The following ZMYM2 variants were observed in gnomAD, a reference collection of about 807,000 sequenced individuals.
ZMYM2 encodes the protein zinc finger MYM-type protein 2.
Under a neutral mutation model 162.8 loss-of-function variants are expected in ZMYM2, and 56 were observed. That is an observed-to-expected ratio of 0.34 (90% CI 0.28 to 0.43). The LOEUF (loss-of-function observed/expected upper bound fraction) is 0.43. Ranked by LOEUF, ZMYM2 falls within the 20% of genes least tolerant of loss-of-function variation. The probability of loss-of-function intolerance (pLI) is 1.00; values close to 1 mark genes in which losing one functional copy is unlikely to be tolerated. For missense variants in ZMYM2, 1,275 were observed against 1,621.8 expected (o/e 0.79, Z 3.67); for synonymous variants, 510 against 541.6 (o/e 0.94, Z 0.81).
rs1464918662 is a variant in ZMYM2 at position 20,019,486 on chromosome 13, C to T, written c.1513-61C>T. 3 of 1,378,988 alleles carry T rather than the reference C, an allele frequency of 2.2e-6. No individual in the cohort carries two copies. The African/African-American group carries it at 4.4e-5, about 20-fold the overall frequency. The allele number at this position is 1,378,988 out of a possible 1,614,324, so 85.4% of individuals were successfully genotyped here. On this transcript the variant is annotated intron_variant, in intron 6 of 24. Coordinates refer to ENST00000610343, the MANE Select transcript of ZMYM2 (RefSeq NM_197968.4). The stretch of plus-strand genomic sequence containing the variant: ...CAACTTTTACATAATGCTTATTTAC[C>T]TTTCAATGTAGCAGCTATTCTTTAT...
At chr13:19,871,880 T>C in the ZMYM2 span, among the ~76,000 whole-genome samples, 5 of 152,166 alleles carry the variant, frequency 3.3e-5, no homozygotes, top group Admixed American at 6.6e-5. Flanking sequence ...GGAAAGTTAA[T>C]AATAAAAAAT....
the ZMYM2 span, among the ~76,000 whole-genome samples, chr13:19,942,328 T>C: frequency 6.6e-6 from 1 of 151,220 alleles, no homozygotes; most frequent in Non-Finnish European, 1.5e-5. Context: ...TAGGATACAA[T>C]TCTATGGGGG....
chr13:20,032,595 C>CTTTTTTTTTTTTT (rs1566350627), intron 10 of ZMYM2, among the ~76,000 whole-genome samples: 2 of 96,380 alleles, frequency 2.1e-5, no homozygotes, highest in Non-Finnish European at 2.2e-5. Flanking sequence ...GATTTTTTTT[C>CTTTTTTTTTTTTT]TGTCTTTTTT....
At chr13:19,890,400 T>C in the ZMYM2 span, among the ~76,000 whole-genome samples, 1 of 148,256 alleles carries the variant, frequency 6.7e-6, no homozygotes, top group Non-Finnish European at 1.5e-5. Flanking sequence ...ACTCCTGGGC[T>C]CAAGCAATCC....
At chr13:19,976,434 A>G (rs1001899197) in intron 2 of ZMYM2, among the ~76,000 whole-genome samples, 1 of 152,044 alleles carries the variant, frequency 6.6e-6, no homozygotes, top group African/African-American at 2.4e-5. Flanking sequence ...AACAACATAA[A>G]ATTTACTATT....
intron 2 of ZMYM2, among the ~76,000 whole-genome samples, chr13:19,974,632 CG>C (rs1414474967): frequency 6.6e-6 from 1 of 151,886 alleles, no homozygotes; most frequent in Non-Finnish European, 1.5e-5. Context: ...CCACCACACC[CG>C]GCTGATTTTT....
intron 3 of ZMYM2, among the ~76,000 whole-genome samples, chr13:19,997,192 CTA>C (rs1566253802): frequency 1.3e-5 from 2 of 152,148 alleles, no homozygotes; most frequent in Non-Finnish European, 2.9e-5. Flanking sequence ...ATACCATTAA[CTA>C]TTTATATAAG....
chr13:20,037,895 G>C (rs1015309008), intron 12 of ZMYM2, among the ~76,000 whole-genome samples: 67 of 152,250 alleles, frequency 4.4e-4, no homozygotes, highest in African/African-American at 1.4e-3. Context: ...TTATCACCCA[G>C]ATATTAAGCC....
At chr13:19,869,176 A>G in the ZMYM2 span, among the ~76,000 whole-genome samples, 1 of 152,240 alleles carries the variant, frequency 6.6e-6, no homozygotes, top group African/African-American at 2.4e-5. Flanking sequence ...TTTTTTCCTT[A>G]GAGAAATTCC....
At chr13:20,016,833 A>T (rs552216101) in intron 6 of ZMYM2, among the ~76,000 whole-genome samples, 2 of 152,222 alleles carry the variant, frequency 1.3e-5, no homozygotes, top group African/African-American at 4.8e-5. Flanking sequence ...TTTATCCTAC[A>T]TGTAATTTGT....
chr13:20,074,433 G>A (rs1177379758), intron 21 of ZMYM2, among the ~76,000 whole-genome samples: 1 of 151,878 alleles, frequency 6.6e-6, no homozygotes. Flanking sequence ...ATGGGGTTTC[G>A]CCATGTTGAC....
At chr13:19,929,786 T>A in the ZMYM2 span, among the ~76,000 whole-genome samples, 2 of 152,220 alleles carry the variant, frequency 1.3e-5, no homozygotes, top group African/African-American at 4.8e-5. Context: ...TTCTCTCCTA[T>A]CCTCTGGAAG....
At chr13:20,020,641 G>GT (rs1228881843) in intron 7 of ZMYM2, among the ~76,000 whole-genome samples, 4 of 151,620 alleles carry the variant, frequency 2.6e-5, no homozygotes, top group Non-Finnish European at 4.4e-5. Flanking sequence ...TTTGTTTTTT[G>GT]TTTTTTGGTA....
intron 2 of ZMYM2, among the ~76,000 whole-genome samples, chr13:19,972,804 C>T (rs138383474): frequency 1.8e-4 from 28 of 152,122 alleles, no homozygotes; most frequent in African/African-American, 6.3e-4. Flanking sequence ...ACTTCTTCCA[C>T]ATTCTTCCCA....
chr13:19,963,340 CT>C (rs1442805565), intron 2 of ZMYM2, among the ~76,000 whole-genome samples: 1 of 152,142 alleles, frequency 6.6e-6, no homozygotes, highest in African/African-American at 2.4e-5. Context: ...GTGAACAGGA[CT>C]TTTGAAGTAT....
the ZMYM2 span, among the ~76,000 whole-genome samples, chr13:19,895,790 A>G: frequency 6.6e-6 from 1 of 151,844 alleles, no homozygotes; most frequent in Admixed American, 6.6e-5. Context: ...AATTAAAAGC[A>G]AGGACACAAA....
At chr13:19,965,715 T>C (rs983948932) in intron 2 of ZMYM2, among the ~76,000 whole-genome samples, 1 of 152,052 alleles carries the variant, frequency 6.6e-6, no homozygotes, top group Non-Finnish European at 1.5e-5. Flanking sequence ...TCCAGGCTTG[T>C]CATATCTTAT....
the ZMYM2 span, among the ~76,000 whole-genome samples, chr13:19,900,194 G>A: frequency 6.6e-6 from 1 of 152,080 alleles, no homozygotes; most frequent in African/African-American, 2.4e-5. Flanking sequence ...AGCTACTCAG[G>A]AGGCTGAGGC....
At position 20,075,670 on chromosome 13, in the gene ZMYM2, C is replaced by CTTTTTTTTTTTTTT. The variant is rs56664916; in HGVS notation, c.3454-6327_3454-6314dup. Among the ~76,000 whole-genome samples, 55 of 75,714 alleles carry CTTTTTTTTTTTTTT rather than the reference C, an allele frequency of 7.3e-4. 5 individuals carry two copies. The highest frequency in any genetic ancestry group is 2.0e-3 in the African/African-American group (36 of 18,450). The allele number at this position is 75,714 out of a possible 152,430, so 49.7% of individuals were successfully genotyped here. On this transcript the variant is annotated intron_variant, in intron 21 of 24. Coordinates refer to ENST00000610343, the MANE Select transcript of ZMYM2 (RefSeq NM_197968.4). ...TTATTATGAATAGAACTATAGACAC[C>CTTTTTTTTTTTTTT]TTTTTTTTTTTTTTTTTTTTTTTTT...
Sources: allele counts gnomAD v4.1 joint callset (sites outside exome capture counted in the v4.1 genomes callset), GRCh38; gene constraint gnomAD v4.1.1; transcripts MANE v1.5; gene names NCBI Gene and HGNC (gene_info 2026-07-23, HGNC 2026-07-21).